Variants in MESD observed in about 807,000 individuals in gnomAD.
The protein encoded by MESD is LRP chaperone MESD.
MESD carries 7 observed loss-of-function variants against 12.9 expected under a neutral mutation model. The observed-to-expected ratio is 0.54, with a 90% CI of 0.31 to 1.02. The LOEUF is 1.02. MESD is among the 50% of genes least tolerant of loss of function. MESD has a pLI of 0.05. For synonymous variants in MESD, 126 were observed against 115.6 expected, an observed-to-expected ratio of 1.09 and a Z score of -0.58; for missense variants, 342 against 296.7, an observed-to-expected ratio of 1.15 and a Z score of -1.12.
At chr15:80,957,330 C>T (rs1261551583) in intron 3 of MESD, among the ~76,000 whole-genome samples, 1 of 152,050 alleles carries the variant, frequency 6.6e-6, no homozygotes, top group Non-Finnish European at 1.5e-5. Flanking sequence ...ATGAAAATGA[C>T]CACACAACAC....
chr15:80,985,100 T>C (rs1902693567), intron 1 of MESD, among the ~76,000 whole-genome samples: 1 of 152,198 alleles, frequency 6.6e-6, no homozygotes, highest in South Asian at 2.1e-4. Context: ...TAACCTTCTT[T>C]TCCACTCTGC....
At position 80,979,095 on chromosome 15, in the gene MESD, C is replaced by A. The variant is rs1902500273; in HGVS notation, c.*124G>T. ...ACCACAAACTGGTCATGTGGCAGAC[C>A]CTTTCTAGAAGACACTAGAATGTCA... On this transcript the variant is annotated 3_prime_UTR_variant, in exon 3 of 3. Coordinates refer to ENST00000261758, the MANE Select transcript of MESD (RefSeq NM_015154.3). 4 of 1,335,784 alleles carry A rather than the reference C, an allele frequency of 3.0e-6. No homozygotes were observed. Among genetic ancestry groups the A allele is most frequent in the Non-Finnish European group, 3.1e-6 (3 of 978,578 alleles). 82.7% of individuals were successfully genotyped at this position (1,335,784 alleles called of 1,614,324 possible).
intron 3 of MESD, among the ~76,000 whole-genome samples, chr15:80,958,843 T>C (rs1354787770): frequency 1.3e-5 from 2 of 152,136 alleles, no homozygotes; most frequent in East Asian, 1.9e-4. Context: ...GTTGAGGCAA[T>C]AGATGACAGT....
intron 3 of MESD, chr15:80,953,053 G>A (rs761345070): frequency 2.0e-5 from 9 of 455,968 alleles, no homozygotes; most frequent in South Asian, 1.4e-4. Context: ...GTCAGAGATG[G>A]ATAAGAGAAG....
chr15:80,988,028 C>T (rs1031814294), intron 1 of MESD, among the ~76,000 whole-genome samples: 2 of 152,172 alleles, frequency 1.3e-5, no homozygotes, highest in African/African-American at 4.8e-5. Context: ...TCACATTTCT[C>T]CCTTCTACTC....
chr15:80,964,606 G>T (rs1902143446), intron 3 of MESD, among the ~76,000 whole-genome samples: 1 of 152,184 alleles, frequency 6.6e-6, no homozygotes, highest in South Asian at 2.1e-4. Context: ...TGGCACTGTT[G>T]CCAAAACAGA....
chr15:80,972,017 G>A (rs753699518), downstream of MESD, among the ~76,000 whole-genome samples: 6 of 150,638 alleles, frequency 4.0e-5, no homozygotes, highest in Admixed American at 6.6e-5. Context: ...TCATTTCAAC[G>A]TTATTGATAA....
rs752136549 is a variant in MESD at position 80,979,350 on chromosome 15, C to T, written c.574G>A (p.Gly192Ser). 1.7e-5 allele frequency: 27 copies of T among 1,613,970 alleles called. No homozygotes were observed. Among genetic ancestry groups the T allele is most frequent in the Middle Eastern group, 3.3e-4 (2 of 6,084 alleles). Residue 192 changes from glycine (G) to serine (S), a missense_variant, in exon 3 of 3, where the codon GGC becomes AGC. Physicochemically the swap from Gly to Ser is moderately conservative, Grantham distance 56. Transcript: ENST00000261758. ...TTCTCTTTGCTTCCTCCTCCTTTGC[C>T]GGGGTACACCTGGCCCTCCAGAGTT... ...DVTLEGQVYP[G>S]KGGGSKEKNK...
At chr15:80,986,583 A>C (rs1206919784) in intron 1 of MESD, among the ~76,000 whole-genome samples, 1 of 152,236 alleles carries the variant, frequency 6.6e-6, no homozygotes. Flanking sequence ...CTAGATGTAC[A>C]TAATTATCCA....
intron 3 of MESD, among the ~76,000 whole-genome samples, chr15:80,967,883 T>C (rs1012779873): frequency 6.6e-6 from 1 of 152,212 alleles, no homozygotes; most frequent in African/African-American, 2.4e-5. Context: ...GATCCAGAAT[T>C]TGACAAGCCC....
chr15:80,973,547 T>C (rs976660235), downstream of MESD, among the ~76,000 whole-genome samples: 1 of 151,980 alleles, frequency 6.6e-6, no homozygotes, highest in African/African-American at 2.4e-5. Flanking sequence ...AAAAAATAAA[T>C]AAATAGTTCA....
chr15:80,961,606 C>G (rs1178797552), intron 3 of MESD, among the ~76,000 whole-genome samples: 1 of 152,068 alleles, frequency 6.6e-6, no homozygotes, highest in Non-Finnish European at 1.5e-5. Context: ...AAAATTCTGT[C>G]AAAGAATTTA....
At chr15:80,961,746 T>C (rs1902090862) in intron 3 of MESD, among the ~76,000 whole-genome samples, 2 of 152,054 alleles carry the variant, frequency 1.3e-5, no homozygotes, top group Non-Finnish European at 2.9e-5. Flanking sequence ...AAATATACCA[T>C]CACAAAGAAG....
At chr15:80,969,684 G>A (rs934919318) in intron 3 of MESD, among the ~76,000 whole-genome samples, 4 of 152,076 alleles carry the variant, frequency 2.6e-5, no homozygotes, top group African/African-American at 4.8e-5. Flanking sequence ...GTGAAACCCC[G>A]TCTCCACTAA....
chr15:80,960,918 T>C (rs143030196), intron 3 of MESD, among the ~76,000 whole-genome samples: 1,676 of 152,196 alleles, frequency 0.011, 20 homozygotes, highest in Non-Finnish European at 0.014. Context: ...CGTCAACAGA[T>C]GGAAGGGAGG....
chr15:80,978,903 T>G lies in MESD; in HGVS notation c.*316A>C. On this transcript the variant is annotated 3_prime_UTR_variant, in exon 3 of 3. Coordinates refer to ENST00000261758, the MANE Select transcript of MESD (RefSeq NM_015154.3). ...ATCACAGCAGGTGCTTGGAGGGGAGTGGAATCTCAGTAGAGTTGATGACTC... is the reference window on the plus strand; with the variant it reads ...ATCACAGCAGGTGCTTGGAGGGGAGGGGAATCTCAGTAGAGTTGATGACTC... The G allele has an allele frequency of 2.8e-6, 1 of 358,636 alleles. No individual in the cohort carries two copies. 22.2% of individuals were successfully genotyped at this position (358,636 alleles called of 1,614,324 possible).
chr15:80,949,052 T>C (rs1321722483), intron 4 of MESD: 5 of 1,277,586 alleles, frequency 3.9e-6, no homozygotes, highest in Non-Finnish European at 5.6e-6. Context: ...GTTTCAGCCC[T>C]GATGGGCCAA....
rs186000454 is a variant in MESD at position 80,988,706 on chromosome 15, A to C, written c.213+873T>G. Among the ~76,000 whole-genome samples the C allele has an allele frequency of 3.8e-3, 575 of 152,292 alleles. 7 individuals are homozygous for C. The highest frequency in any genetic ancestry group is 0.013 in the African/African-American group (532 of 41,552). On this transcript the variant is annotated intron_variant, in intron 1 of 2. Transcript: ENST00000261758. Reference sequence around the variant, plus strand: ...GATAATCACAAAATAACAAAACATCAGTGTTGGAAGGAATCTTAGGACCCA... The same window carrying C: ...GATAATCACAAAATAACAAAACATCCGTGTTGGAAGGAATCTTAGGACCCA...
downstream of MESD, chr15:80,946,887 C>G: frequency 2.0e-6 from 2 of 980,478 alleles, no homozygotes; most frequent in South Asian, 2.7e-5. Flanking sequence ...CCACCATGCA[C>G]AAACCAACAT....
Sources: allele counts gnomAD v4.1 joint callset (sites outside exome capture counted in the v4.1 genomes callset), GRCh38; gene constraint gnomAD v4.1.1; transcripts MANE v1.5; gene names NCBI Gene and HGNC (gene_info 2026-07-23, HGNC 2026-07-21).